TGM7: variants seen among roughly 807,000 people sequenced by gnomAD.
TGM7 encodes transglutaminase 7.
In TGM7, 74 loss-of-function variants were observed where a neutral mutation model predicts 79.5. That is an observed-to-expected ratio of 0.93 (90% CI 0.77 to 1.13). TGM7 has a LOEUF of 1.13. Among genes scored for constraint, TGM7 ranks in the 50% most tolerant of loss-of-function variants. The pLI is 0.00. For synonymous variants in TGM7, 354 were observed against 362.5 expected (o/e 0.98, Z 0.27); for missense variants, 912 against 905.9 (o/e 1.01, Z -0.09).
chr15:43,284,333 T>A (rs1935668662), intron 7 of TGM7, among the ~76,000 whole-genome samples: 1 of 121,110 alleles, frequency 8.3e-6, no homozygotes, highest in South Asian at 2.5e-4. Flanking sequence ...AATAAAGGGA[T>A]GCACAGAGAT....
chr15:43,278,998 G>A (rs1396056189), intron 11 of TGM7, 119 bp downstream of exon 11: 13 of 1,119,144 alleles, frequency 1.2e-5, no homozygotes, highest in Non-Finnish European at 1.5e-5. Flanking sequence ...ACACCATACT[G>A]TGCTGGAGCC....
intron 1 of TGM7, among the ~76,000 whole-genome samples, chr15:43,296,522 T>C (rs568913793): frequency 2.0e-4 from 30 of 151,566 alleles, no homozygotes; most frequent in African/African-American, 7.0e-4. Flanking sequence ...AAAGTTTTCA[T>C]AGCAGGACCA....
At chr15:43,285,169 G>A (rs2042928951) in intron 6 of TGM7, among the ~76,000 whole-genome samples, 1 of 152,180 alleles carries the variant, frequency 6.6e-6, no homozygotes, top group Non-Finnish European at 1.5e-5. Flanking sequence ...AATCATTTGA[G>A]GGTCGCTTAA....
chr15:43,283,480 CT>C (rs11335371), intron 7 of TGM7, among the ~76,000 whole-genome samples: 66,239 of 151,474 alleles, frequency 0.44, 17,107 homozygotes, highest in African/African-American at 0.72. Flanking sequence ...CTCTCTTTTT[CT>C]TTTTTTTTGT....
chr15:43,285,231 C>T (rs2142407995), intron 6 of TGM7, among the ~76,000 whole-genome samples: 1 of 152,316 alleles, frequency 6.6e-6, no homozygotes, highest in Middle Eastern at 3.4e-3. Context: ...TTCCACTCAG[C>T]AGCTTTCCAA....
At chr15:43,280,579 C>T (rs1480138595) in intron 9 of TGM7, among the ~76,000 whole-genome samples, 6 of 151,946 alleles carry the variant, frequency 3.9e-5, no homozygotes, top group African/African-American at 1.2e-4. Context: ...GCCGAGATTG[C>T]GCCATTGCAC....
At chr15:43,299,183 G>C (rs1212909268) in intron 1 of TGM7, among the ~76,000 whole-genome samples, 1 of 152,202 alleles carries the variant, frequency 6.6e-6, no homozygotes, top group African/African-American at 2.4e-5. Flanking sequence ...TTTGTATTGA[G>C]GGGAAAGTGC....
chr15:43,284,861 A>G lies in TGM7; in HGVS notation c.957T>C (p.Tyr319=), dbSNP rs761751398. The G allele has an allele frequency of 1.2e-6, 2 of 1,614,228 alleles. No homozygotes were observed. Among genetic ancestry groups the G allele is most frequent in the Admixed American group, 3.3e-5 (2 of 60,030 alleles). The part of the protein sequence containing the change: ...VDRNLTIDTY[Y]DRNAEMLSTQ... ...TTGACAGCATCTCGGCATTTCGGTC[A>G]TAGTACGTATCGATGGTCAAGTTCC... The change falls in exon 7 of 13, where the codon TAT becomes TAC. Residue 319 remains tyrosine (Y), a synonymous_variant. Coordinates refer to ENST00000452443, the MANE Select transcript of TGM7 (RefSeq NM_052955.3).
chr15:43,297,732 C>G lies in TGM7; in HGVS notation c.11-4101G>C, dbSNP rs988894218. 5.9e-5 allele frequency among the ~76,000 whole-genome samples: 9 copies of G among 152,312 alleles called. No homozygotes were observed. The South Asian group carries it at 1.5e-3, about 25-fold the overall frequency. The stretch of plus-strand genomic sequence containing the variant: ...CTCTGACACCAAAACCCAAGACAGC[C>G]CTGCCCTCACTCACGCCTCCATCTC... On this transcript the variant is annotated intron_variant, in intron 1 of 12. Coordinates refer to ENST00000452443, the MANE Select transcript of TGM7 (RefSeq NM_052955.3).
chr15:43,301,951 GC>G, intron 1 of TGM7: 1 of 491,000 alleles, frequency 2.0e-6, no homozygotes, highest in South Asian at 2.4e-5. Context: ...GGTGGCAGGG[GC>G]CAAGCTCTTT....
intron 1 of TGM7, among the ~76,000 whole-genome samples, chr15:43,299,418 G>A (rs1233976933): frequency 1.3e-5 from 2 of 152,246 alleles, no homozygotes; most frequent in Non-Finnish European, 2.9e-5. Context: ...CAAGGGGCTG[G>A]CATCCCTGGG....
intron 1 of TGM7, among the ~76,000 whole-genome samples, chr15:43,301,381 G>A (rs1381180253): frequency 6.6e-6 from 1 of 150,878 alleles, no homozygotes; most frequent in Non-Finnish European, 1.5e-5. Context: ...TGTAATCCCA[G>A]CACTTTGGGA....
intron 1 of TGM7, among the ~76,000 whole-genome samples, chr15:43,296,056 A>G (rs1259215637): frequency 1.3e-5 from 2 of 152,248 alleles, no homozygotes; most frequent in Non-Finnish European, 2.9e-5. Context: ...AAAACATACA[A>G]TGCATCACAC....
intron 2 of TGM7, 22 bp downstream of exon 2, chr15:43,293,427 C>A: frequency 3.2e-6 from 5 of 1,576,040 alleles, no homozygotes; most frequent in Non-Finnish European, 4.3e-6. Context: ...ACCTGCGGGG[C>A]CTTGGGACAG....
chr15:43,291,448 A>AT (rs1248152066), intron 4 of TGM7, among the ~76,000 whole-genome samples: 2 of 152,274 alleles, frequency 1.3e-5, no homozygotes, highest in Non-Finnish European at 2.9e-5. Flanking sequence ...CACAGACTAC[A>AT]TCTAAATGAA....
chr15:43,277,086 C>T, intron 11 of TGM7, 91 bp from the exon 12 acceptor site: 1 of 1,525,524 alleles, frequency 6.6e-7, no homozygotes, highest in Non-Finnish European at 8.8e-7. Flanking sequence ...CCCTGGCGAC[C>T]ACCAGGAACT....
chr15:43,288,174 C>T (rs919638273), intron 4 of TGM7, among the ~76,000 whole-genome samples: 3 of 152,206 alleles, frequency 2.0e-5, no homozygotes, highest in African/African-American at 7.2e-5. Context: ...GCAGACGCTG[C>T]GGGCCCTGGA....
chr15:43,287,307 AGCACT>A lies in TGM7; in HGVS notation c.833_837del (p.Gln278LeufsTer32). 6.2e-7 allele frequency: 1 copy of A among 1,613,850 alleles called. No homozygotes were observed. The highest frequency in any genetic ancestry group is 8.5e-7 in the Non-Finnish European group (1 of 1,180,016). ...GTGCACATAACAGAGGCGAAGACCC[AGCACT>A]GTCCGTACTTCACAGGCTGCCCGCC... On this transcript the variant is annotated frameshift_variant, in exon 6 of 13. Coordinates refer to ENST00000452443, the MANE Select transcript of TGM7 (RefSeq NM_052955.3). LOFTEE classifies it high-confidence loss of function.
rs768493431 is a variant in TGM7, at chr15:43,292,138, CA to C, written c.440-42del. 63 of 1,358,776 alleles carry C rather than the reference CA, an allele frequency of 4.6e-5. No homozygotes were observed. In the East Asian group the frequency reaches 1.3e-3, roughly 27 times the overall value. The allele number at this position is 1,358,776 out of a possible 1,614,324, so 84.2% of individuals were successfully genotyped here. On this transcript the variant is annotated intron_variant, in intron 3 of 12. Transcript: ENST00000452443. The stretch of plus-strand genomic sequence containing the variant: ...TAGTGGAGGGGGCAAAACCCCAAAC[CA>C]AAAAAACAGAGTATTAAATTAAAAA...
Sources: allele counts gnomAD v4.1 joint callset (sites outside exome capture counted in the v4.1 genomes callset), GRCh38; gene constraint gnomAD v4.1.1; transcripts MANE v1.5; gene names NCBI Gene and HGNC (gene_info 2026-07-23, HGNC 2026-07-21).